The following NFASC variants were observed in gnomAD, a reference collection of about 807,000 sequenced individuals.
NFASC encodes the protein neurofascin, also known as neurofascin homolog.
Under a neutral mutation model 147.5 loss-of-function variants are expected in NFASC, and 43 were observed. The ratio of observed to expected loss-of-function variants is 0.29; its 90% CI spans 0.23 to 0.38. NFASC has a LOEUF of 0.38. Among genes scored for constraint, NFASC ranks in the 10% least tolerant of loss-of-function variants. The probability of loss-of-function intolerance (pLI) is 1.00; values close to 1 mark genes in which losing one functional copy is unlikely to be tolerated. For synonymous variants in NFASC, 622 were observed against 665.5 expected, an observed-to-expected ratio of 0.93 and a Z score of 1.01; for missense variants, 1,320 against 1,689.0, an observed-to-expected ratio of 0.78 and a Z score of 3.83.
chr1:204,951,423 C>G (rs1309224968), intron 4 of NFASC, among the ~76,000 whole-genome samples: 1 of 149,670 alleles, frequency 6.7e-6, no homozygotes, highest in Non-Finnish European at 1.5e-5. Flanking sequence ...CTCAGCCTCT[C>G]AAAGTGCTGG....
chr1:205,017,700 T>C lies in NFASC; in HGVS notation c.*1161T>C, dbSNP rs1397895538. ...AGCAGATATCATCTTCTCAGCCAATTCTGTAGGACACTGAGGCTCTTGTTT... is the reference window on the plus strand; with the variant it reads ...AGCAGATATCATCTTCTCAGCCAATCCTGTAGGACACTGAGGCTCTTGTTT... On this transcript the variant is annotated 3_prime_UTR_variant, in exon 30 of 30. Coordinates refer to ENST00000339876, the MANE Select transcript of NFASC (RefSeq NM_001005388.3). 1 of 152,736 alleles carries C rather than the reference T, an allele frequency of 6.5e-6. No individual in the cohort carries two copies. Among genetic ancestry groups the C allele is most frequent in the Non-Finnish European group, 1.5e-5 (1 of 68,118 alleles). The allele number at this position is 152,736 out of a possible 1,614,324, so 9.5% of individuals were successfully genotyped here. A position where few individuals can be genotyped will look rare whatever the true frequency, so the allele number is the denominator to read the frequency against.
rs2095868569 is a variant in NFASC, at chr1:204,997,398, A to G, written c.3011A>G (p.His1004Arg). The G allele has an allele frequency of 6.4e-7, 1 of 1,551,682 alleles. No homozygotes were observed. The highest frequency in any genetic ancestry group is 8.7e-7 in the Non-Finnish European group (1 of 1,146,998). ...PPTTTSGTKI[H>R]ESAPDEQSIW... ...ACCACCACCTCCGGGACTAAGATACACGAATCCGGTACTGCGCATCGCCCA... is the reference window on the plus strand; with the variant it reads ...ACCACCACCTCCGGGACTAAGATACGCGAATCCGGTACTGCGCATCGCCCA... The change falls in exon 25 of 30, where the codon CAC becomes CGC. Residue 1004 changes from histidine (H) to arginine (R), a missense_variant. His to Arg is a conservative substitution (Grantham distance 29). Around this residue, in one of 3 missense-constraint regions of NFASC, gnomAD observed 172 missense variants for 165.8 expected, o/e 1.04. Coordinates refer to ENST00000339876, the MANE Select transcript of NFASC (RefSeq NM_001005388.3).
At chr1:204,962,058 G>T in intron 8 of NFASC, 1 of 1,465,402 alleles carries the variant, frequency 6.8e-7, no homozygotes, top group Non-Finnish European at 9.6e-7. Context: ...TTATGCCTCT[G>T]TGACTTCTCC....
chr1:204,992,706 G>C (rs975629092), intron 24 of NFASC, among the ~76,000 whole-genome samples: 1 of 152,194 alleles, frequency 6.6e-6, no homozygotes. Context: ...GGCACCAGGC[G>C]AATCAGCTGC....
rs1239541238 is a variant in NFASC, at chr1:204,979,775, G to GT, written c.2176+217dup. Among the ~76,000 whole-genome samples the GT allele has an allele frequency of 6.6e-6, 1 of 152,244 alleles. No individual in the cohort carries two copies. Among genetic ancestry groups the GT allele is most frequent in the Non-Finnish European group, 1.5e-5 (1 of 68,052 alleles). On this transcript the variant is annotated intron_variant, in intron 19 of 29. Coordinates refer to ENST00000339876, the MANE Select transcript of NFASC (RefSeq NM_001005388.3). This position sits in a 1 kb window ranked among gnomAD's most constrained non-coding sequence, Gnocchi z 6.0. ...AGGTACTTACTATGATGCCTGGCAT[G>GT]TAGTGAGCACATGATAAATGCTAAC...
intron 1 of NFASC, among the ~76,000 whole-genome samples, chr1:204,900,489 C>T (rs1403686781): frequency 2.0e-5 from 3 of 152,212 alleles, no homozygotes; most frequent in African/African-American, 7.2e-5. Context: ...GGACCACCTT[C>T]TATAGACTGA....
At chr1:204,927,513 T>G (rs2091842486) in intron 2 of NFASC, among the ~76,000 whole-genome samples, 2 of 152,214 alleles carry the variant, frequency 1.3e-5, no homozygotes, top group African/African-American at 4.8e-5. Context: ...TGAAGATCCC[T>G]AGACCTTTTA....
At chr1:204,910,871 G>C (rs2087279458) in intron 1 of NFASC, among the ~76,000 whole-genome samples, 1 of 152,002 alleles carries the variant, frequency 6.6e-6, no homozygotes, top group Non-Finnish European at 1.5e-5. Context: ...GACCATCATA[G>C]TATCTGCATA....
At chr1:205,008,325 T>A (rs1457624570) in intron 27 of NFASC, 1 of 152,626 alleles carries the variant, frequency 6.6e-6, no homozygotes, top group African/African-American at 2.4e-5. Context: ...GGGGCGCAGG[T>A]GCTGTGGCCC....
At chr1:204,914,789 T>C (rs1239532469) in intron 1 of NFASC, among the ~76,000 whole-genome samples, 1 of 152,250 alleles carries the variant, frequency 6.6e-6, no homozygotes, top group Non-Finnish European at 1.5e-5. Context: ...GGCTGCATTA[T>C]CTTTGGATAA....
chr1:204,849,696 C>T (rs1345421275), intron 1 of NFASC, among the ~76,000 whole-genome samples: 1 of 152,222 alleles, frequency 6.6e-6, no homozygotes, highest in East Asian at 1.9e-4. Flanking sequence ...GCTTTAACCA[C>T]ATGATGTTCT....
intron 27 of NFASC, among the ~76,000 whole-genome samples, chr1:205,007,032 GTCAGC>G (rs1374880848): frequency 1.3e-5 from 2 of 152,052 alleles, no homozygotes; most frequent in African/African-American, 2.4e-5. Context: ...GGGGCTTGAA[GTCAGC>G]TTGCTGGGGG....
In NFASC at chr1:205,016,883, C is replaced by A. The variant is rs572662737; in HGVS notation, c.*344C>A. ...ACACGCTCACCTTTTCTGTTGGTTA[C>A]GGGACTTCTCATTGTCTTAATTTCG... is the stretch of plus-strand genomic sequence containing the variant. On this transcript the variant is annotated 3_prime_UTR_variant, in exon 30 of 30. Transcript: ENST00000339876. The surrounding 1 kb of genome is among the most constrained non-coding windows in gnomAD (Gnocchi z 5.1). The A allele has an allele frequency of 2.8e-5, 11 of 388,090 alleles. 1 individual carries two copies. The highest frequency in any genetic ancestry group is 2.4e-4 in the South Asian group (11 of 45,274). The allele number at this position is 388,090 out of a possible 1,614,324, so 24.0% of individuals were successfully genotyped here.
At chr1:204,958,745 A>G (rs1357901183) in intron 8 of NFASC, among the ~76,000 whole-genome samples, 1 of 152,226 alleles carries the variant, frequency 6.6e-6, no homozygotes, top group Admixed American at 6.5e-5. Context: ...GGAGGCCAGT[A>G]GAGAGCACCA....
chr1:204,931,347 T>C (rs1330942407), intron 2 of NFASC, among the ~76,000 whole-genome samples: 2 of 152,222 alleles, frequency 1.3e-5, no homozygotes, highest in African/African-American at 4.8e-5. Context: ...TTTCAGCTCC[T>C]CTCTCTCAGT....
chr1:204,997,860 C>G (rs542581346), intron 25 of NFASC: 1 of 213,166 alleles, frequency 4.7e-6, no homozygotes, highest in East Asian at 1.5e-4. Context: ...GCCCTGGCCA[C>G]GTCTGCGTCC....
At chr1:204,903,108 A>G (rs1292621658) in intron 1 of NFASC, among the ~76,000 whole-genome samples, 1 of 152,174 alleles carries the variant, frequency 6.6e-6, no homozygotes, top group Non-Finnish European at 1.5e-5. Flanking sequence ...ATTTGACTAG[A>G]TGATTGCCAA....
Position 204,975,226 on chromosome 1 carries a change from G to A in NFASC, c.1559-45G>A, listed in dbSNP as rs747663299. 1 of 1,565,782 alleles carries A rather than the reference G, an allele frequency of 6.4e-7. No individual in the cohort carries two copies. The highest frequency in any genetic ancestry group is 8.7e-7 in the Non-Finnish European group (1 of 1,154,216). ...CACTTTGTGGCCGCATGGGGATGCT[G>A]GGCAGAGAACAGGCCAGTGGCGAGT... On this transcript the variant is annotated intron_variant, in intron 14 of 29. Transcript: ENST00000339876. The surrounding 1 kb of genome is among the most constrained non-coding windows in gnomAD (Gnocchi z 4.0).
intron 28 of NFASC, 78 bp downstream of exon 28, chr1:205,009,766 T>G: frequency 2.1e-6 from 3 of 1,463,160 alleles, no homozygotes; most frequent in Non-Finnish European, 9.3e-7. Flanking sequence ...TCCAGCCAGA[T>G]CCGGGGAATG....
Sources: gnomAD v4.1 joint callset for allele counts (sites outside exome capture counted in the v4.1 genomes callset) on GRCh38, gnomAD v4.1.1 for gene constraint, gnomAD v4.1.1 regional missense constraint, Gnocchi (gnomAD v3.1) non-coding constraint, MANE v1.5 for transcripts, NCBI Gene and HGNC (gene_info 2026-07-23, HGNC 2026-07-21) for gene names.